The following GLIS3 variants were observed in gnomAD, a reference collection of about 807,000 sequenced individuals.
GLIS3 encodes the protein zinc finger protein GLIS3.
In GLIS3, 53 loss-of-function variants were observed where a neutral mutation model predicts 78.6. That is an observed-to-expected ratio of 0.67 (90% CI 0.54 to 0.85). GLIS3 has a LOEUF of 0.85. Among genes scored for constraint, GLIS3 ranks in the 40% least tolerant of loss-of-function variants. The pLI is 0.00. For missense variants in GLIS3, 1,703 were observed against 1,231.1 expected, an observed-to-expected ratio of 1.38 and a Z score of -5.74; for synonymous variants, 684 against 509.9, an observed-to-expected ratio of 1.34 and a Z score of -4.60.
chr9:4,284,389 G>T (rs1224704638), intron 2 of GLIS3, among the ~76,000 whole-genome samples: 1 of 152,086 alleles, frequency 6.6e-6, no homozygotes, highest in African/African-American at 2.4e-5. Context: ...TCAAGCATGC[G>T]CTAAAAGGCT....
At chr9:3,885,338 C>G (rs1166124944) in intron 7 of GLIS3, among the ~76,000 whole-genome samples, 4 of 152,164 alleles carry the variant, frequency 2.6e-5, no homozygotes, top group Admixed American at 6.5e-5. Context: ...GGGAGGTTTA[C>G]CGGGCAGATC....
the GLIS3 span, among the ~76,000 whole-genome samples, chr9:4,375,877 A>G: frequency 6.6e-6 from 1 of 152,174 alleles, no homozygotes; most frequent in African/African-American, 2.4e-5. Flanking sequence ...AAACTTTGGA[A>G]TAGTACAAAG....
At chr9:3,957,882 C>T (rs1289493445) in intron 4 of GLIS3, among the ~76,000 whole-genome samples, 1 of 152,186 alleles carries the variant, frequency 6.6e-6, no homozygotes, top group African/African-American at 2.4e-5. Context: ...CTGAAATGCC[C>T]ATGTTGCAAA....
chr9:3,884,658 A>G (rs1188244330), intron 7 of GLIS3, among the ~76,000 whole-genome samples: 1 of 152,158 alleles, frequency 6.6e-6, no homozygotes, highest in Non-Finnish European at 1.5e-5. Context: ...CTTATTGAGC[A>G]TTTATAATGT....
At chr9:4,300,383 T>G (rs1226386670), upstream of GLIS3, among the ~76,000 whole-genome samples, 2 of 150,714 alleles carry the variant, frequency 1.3e-5, no homozygotes, top group Non-Finnish European at 2.9e-5. Context: ...GGATTTGATG[T>G]CAGGTCATAA....
intron 2 of GLIS3, among the ~76,000 whole-genome samples, chr9:4,165,492 G>C (rs1835812138): frequency 6.6e-6 from 1 of 152,148 alleles, no homozygotes; most frequent in Admixed American, 6.5e-5. Flanking sequence ...GGGGGAAAAA[G>C]ATTTTCTAAG....
intron 2 of GLIS3, among the ~76,000 whole-genome samples, chr9:4,131,419 A>G (rs1230841866): frequency 1.3e-5 from 2 of 152,116 alleles, no homozygotes; most frequent in African/African-American, 4.8e-5. Flanking sequence ...GTAATGCCCA[A>G]TTTTGGAGGT....
intron 2 of GLIS3, among the ~76,000 whole-genome samples, chr9:4,190,214 T>C (rs1818210167): frequency 6.6e-6 from 1 of 152,138 alleles, no homozygotes; most frequent in African/African-American, 2.4e-5. Context: ...AGTGAAGGCT[T>C]CAGACAATCA....
intron 4 of GLIS3, among the ~76,000 whole-genome samples, chr9:4,097,440 C>T (rs921968358): frequency 3.9e-5 from 6 of 151,988 alleles, no homozygotes; most frequent in African/African-American, 1.2e-4. Flanking sequence ...AGCTGATGGT[C>T]TTCTCACTCT....
chr9:3,898,647 T>A, intron 7 of GLIS3, 44 bp downstream of exon 7: 1 of 1,613,394 alleles, frequency 6.2e-7, no homozygotes, highest in Non-Finnish European at 8.5e-7. Flanking sequence ...GTAAAAGGCC[T>A]AAAAAAGGGT....
chr9:3,932,566 T>A, intron 5 of GLIS3, 96 bp from the exon 6 acceptor site: 3 of 866,424 alleles, frequency 3.5e-6, no homozygotes, highest in Non-Finnish European at 5.9e-6. Context: ...GAGCATGAAC[T>A]GTTACCAATT....
At chr9:4,376,224 G>A in the GLIS3 span, among the ~76,000 whole-genome samples, 1 of 152,120 alleles carries the variant, frequency 6.6e-6, no homozygotes, top group East Asian at 1.9e-4. Context: ...TCCTTTCAGG[G>A]GAAGATGTTA....
the GLIS3 span, among the ~76,000 whole-genome samples, chr9:4,470,175 A>G: frequency 1.3e-5 from 2 of 152,234 alleles, no homozygotes; most frequent in Non-Finnish European, 2.9e-5. Flanking sequence ...TACCAGAGGT[A>G]CAAAGAGGAG....
intron 4 of GLIS3, among the ~76,000 whole-genome samples, chr9:4,015,888 CAAAAAAAAAA>C (rs1049791263): frequency 3.1e-5 from 1 of 32,254 alleles, no homozygotes; most frequent in Non-Finnish European, 7.0e-5. Flanking sequence ...GACTCTGTCT[CAAAAAAAAAA>C]AAAAAAAAAA....
At chr9:4,314,538 G>C (rs1317993075) in intron 2 of GLIS3, among the ~76,000 whole-genome samples, 1 of 151,934 alleles carries the variant, frequency 6.6e-6, no homozygotes, top group Non-Finnish European at 1.5e-5. Context: ...AGGCAAAAAA[G>C]AAAGAAAGTA....
At chr9:4,391,393 A>C in the GLIS3 span, among the ~76,000 whole-genome samples, 2 of 151,812 alleles carry the variant, frequency 1.3e-5, no homozygotes, top group African/African-American at 4.8e-5. Context: ...TATAGTTTTA[A>C]CTCTACTTCT....
At chr9:4,231,186 A>G (rs1822221835) in intron 2 of GLIS3, among the ~76,000 whole-genome samples, 1 of 152,236 alleles carries the variant, frequency 6.6e-6, no homozygotes, top group South Asian at 2.1e-4. Flanking sequence ...AAGAACAGGT[A>G]GATATAAAAA....
the GLIS3 span, among the ~76,000 whole-genome samples, chr9:4,481,515 A>AGT: frequency 0.25 from 37,032 of 147,426 alleles, 4,564 homozygotes; most frequent in East Asian, 0.43. Context: ...TAAAAACATA[A>AGT]GTGTGTGTGT....
chr9:4,130,281 G>A (rs919554091), intron 2 of GLIS3, among the ~76,000 whole-genome samples: 1 of 152,234 alleles, frequency 6.6e-6, no homozygotes. Flanking sequence ...GTTTTCAGGA[G>A]AGGAATTCAA....
Sources: allele counts gnomAD v4.1 joint callset (sites outside exome capture counted in the v4.1 genomes callset), GRCh38; gene constraint gnomAD v4.1.1; transcripts MANE v1.5; gene names NCBI Gene and HGNC (gene_info 2026-07-23, HGNC 2026-07-21).